Variants in DDX46 observed in about 807,000 individuals in gnomAD.
DDX46 encodes probable ATP-dependent RNA helicase DDX46.
DDX46 carries 30 observed loss-of-function variants against 134.9 expected under a neutral mutation model. That is an observed-to-expected ratio of 0.22 (90% CI 0.17 to 0.30). DDX46 has a LOEUF of 0.30. Ranked by LOEUF, DDX46 falls within the 10% of genes least tolerant of loss-of-function variation. The probability of loss-of-function intolerance (pLI) is 1.00; values close to 1 mark genes in which losing one functional copy is unlikely to be tolerated. For missense variants in DDX46, 622 were observed against 1,248.7 expected, an observed-to-expected ratio of 0.50 and a Z score of 7.56; for synonymous variants, 415 against 404.1, an observed-to-expected ratio of 1.03 and a Z score of -0.32.
chr5:134,768,442 A>C (rs1753651984), intron 3 of DDX46, among the ~76,000 whole-genome samples: 1 of 151,168 alleles, frequency 6.6e-6, no homozygotes, highest in African/African-American at 2.4e-5. Context: ...AGGGATATCT[A>C]GTATCCTTTT....
At chr5:134,827,188 T>C (rs537395950) in intron 22 of DDX46, among the ~76,000 whole-genome samples, 168 bp downstream of exon 22, 1 of 152,302 alleles carries the variant, frequency 6.6e-6, no homozygotes, top group South Asian at 2.1e-4. Context: ...AAAACATTAC[T>C]AATATCCCAG....
In DDX46 at chr5:134,773,858, G is replaced by T; in HGVS notation, c.610G>T (p.Asp204Tyr). The change falls in exon 5 of 23, where the codon GAT becomes TAT. Residue 204 changes from aspartate (D) to tyrosine (Y), a missense_variant. Asp to Tyr is a radical substitution (Grantham distance 160). Coordinates refer to ENST00000452510, the MANE Select transcript of DDX46 (RefSeq NM_001300860.2). ...QGKKWSLEDD[D>Y]DDEDDPAEAE... Reference sequence around the variant, plus strand: ...GAAAAAGTGGAGTTTAGAGGACGATGATGGTATATTTTTTAGCCTAATAGC... The same window carrying T: ...GAAAAAGTGGAGTTTAGAGGACGATTATGGTATATTTTTTAGCCTAATAGC... 3 of 1,598,172 alleles carry T rather than the reference G, an allele frequency of 1.9e-6. No individual in the cohort carries two copies. Among genetic ancestry groups the T allele is most frequent in the Non-Finnish European group, 2.6e-6 (3 of 1,174,120 alleles).
intron 21 of DDX46, among the ~76,000 whole-genome samples, chr5:134,824,320 C>T (rs547741303): frequency 1.8e-4 from 28 of 152,224 alleles, no homozygotes; most frequent in Admixed American, 7.9e-4. Context: ...TGGCCGGGCG[C>T]GGTGGCTCAC....
intron 21 of DDX46, among the ~76,000 whole-genome samples, chr5:134,822,847 G>C (rs539182343): frequency 1.3e-5 from 2 of 152,246 alleles, no homozygotes; most frequent in Non-Finnish European, 2.9e-5. Context: ...AAAGTGATGG[G>C]ATTACAAACG....
In DDX46 at chr5:134,767,084, C is replaced by T. The variant is rs370010333; in HGVS notation, c.350+24C>T. 8.8e-6 allele frequency: 14 copies of T among 1,597,446 alleles called. No individual in the cohort carries two copies. In the African/African-American group the frequency reaches 1.9e-4, roughly 22 times the overall value. ...AGGTAATGTTATCATTGGGCTGCATCTATAGTGCAGACTGGGGACTGCTTC... is the reference window on the plus strand; with the variant it reads ...AGGTAATGTTATCATTGGGCTGCATTTATAGTGCAGACTGGGGACTGCTTC... On this transcript the variant is annotated intron_variant, in intron 3 of 22. Coordinates refer to ENST00000452510, the MANE Select transcript of DDX46 (RefSeq NM_001300860.2).
Position 134,783,193 on chromosome 5 carries a change from G to C in DDX46, c.1166+128G>C, listed in dbSNP as rs1010790902. 36 of 1,263,298 alleles carry C rather than the reference G, an allele frequency of 2.8e-5. No homozygotes were observed. In the African/African-American group the frequency reaches 5.5e-4, roughly 19 times the overall value. 78.3% of individuals were successfully genotyped at this position (1,263,298 alleles called of 1,614,324 possible). ...TTACGTTTTAAAAAACTTTCATTGA[G>C]ATAATTTATATATCAAAATTTACCC... On this transcript the variant is annotated intron_variant, in intron 9 of 22. Transcript: ENST00000452510.
At chr5:134,799,201 C>G (rs931060691) in intron 15 of DDX46, among the ~76,000 whole-genome samples, 2 of 152,074 alleles carry the variant, frequency 1.3e-5, no homozygotes, top group Non-Finnish European at 2.9e-5. Context: ...TATTCTTTGT[C>G]TACCCACACA....
chr5:134,811,144 A>G, intron 16 of DDX46, 77 bp from the exon 17 acceptor site: 1 of 1,290,854 alleles, frequency 7.7e-7, no homozygotes, highest in Admixed American at 2.2e-5. Flanking sequence ...TATTAGGTGG[A>G]TCAGATTTTA....
intron 15 of DDX46, among the ~76,000 whole-genome samples, chr5:134,798,649 T>C (rs1754739230): frequency 6.6e-6 from 1 of 152,234 alleles, no homozygotes. Context: ...TTCCCATCCC[T>C]GAGCAGTTGC....
At chr5:134,773,932 G>T in intron 5 of DDX46, 71 bp downstream of exon 5, 4 of 1,371,104 alleles carry the variant, frequency 2.9e-6, no homozygotes, top group East Asian at 2.5e-5. Context: ...TTTCATAAGG[G>T]GTTTTTAATC....
At chr5:134,821,753 C>T (rs1755459345) in intron 21 of DDX46, among the ~76,000 whole-genome samples, 1 of 151,570 alleles carries the variant, frequency 6.6e-6, no homozygotes. Flanking sequence ...CATGGGGTTT[C>T]ACCATGTTGG....
At chr5:134,793,012 C>G (rs1754548835) in intron 13 of DDX46, among the ~76,000 whole-genome samples, 1 of 152,002 alleles carries the variant, frequency 6.6e-6, no homozygotes, top group Non-Finnish European at 1.5e-5. Flanking sequence ...TAAAAATTAG[C>G]TGGGTGTGGG....
In DDX46 at chr5:134,807,735, A is replaced by G. The variant is rs771427936; in HGVS notation, c.1955-13A>G. ...ATTTGAACATGTTTTAAAGCTCTCT[A>G]ATTTACTTGCAGGCATTGATCAATA... On this transcript the variant is annotated splice_polypyrimidine_tract_variant and intron_variant, in intron 15 of 22. Coordinates refer to ENST00000452510, the MANE Select transcript of DDX46 (RefSeq NM_001300860.2). 3 of 1,600,094 alleles carry G rather than the reference A, an allele frequency of 1.9e-6. No individual in the cohort carries two copies. Among genetic ancestry groups the G allele is most frequent in the South Asian group, 1.1e-5 (1 of 89,014 alleles).
At chr5:134,788,481 A>G (rs1754408371) in intron 11 of DDX46, 32 bp from the exon 12 acceptor site, 2 of 1,574,210 alleles carry the variant, frequency 1.3e-6, no homozygotes, top group Non-Finnish European at 1.7e-6. Flanking sequence ...AAGCATTAGT[A>G]ATAGACTATA....
chr5:134,813,577 T>C (rs1755206648), intron 18 of DDX46, among the ~76,000 whole-genome samples: 1 of 152,200 alleles, frequency 6.6e-6, no homozygotes, highest in South Asian at 2.1e-4. Flanking sequence ...TATGACTGTC[T>C]CTGAAATTAC....
intron 13 of DDX46, among the ~76,000 whole-genome samples, chr5:134,791,486 G>A (rs138844476): frequency 2.0e-5 from 3 of 151,958 alleles, no homozygotes; most frequent in Non-Finnish European, 2.9e-5. Context: ...GCGTGAACCC[G>A]GGCGGCGGAG....
At chr5:134,808,153 G>T (rs1755042232) in intron 16 of DDX46, among the ~76,000 whole-genome samples, 1 of 152,172 alleles carries the variant, frequency 6.6e-6, no homozygotes, top group South Asian at 2.1e-4. Flanking sequence ...TTTGTAGGCA[G>T]ATCCTGTTAA....
rs538401984 is a variant in DDX46, at chr5:134,829,675, T to G, written c.*969T>G. The G allele has an allele frequency of 6.6e-6, 1 of 152,262 alleles. No individual in the cohort carries two copies. Among genetic ancestry groups the G allele is most frequent in the Admixed American group, 6.5e-5 (1 of 15,278 alleles). The allele number at this position is 152,262 out of a possible 1,614,324, so 9.4% of individuals were successfully genotyped here. Reference sequence around the variant, plus strand: ...CACAAGGAATCATAAATTGTGTTTTTGAGGCTGGGCGCAGTGACTCACACC... The same window carrying G: ...CACAAGGAATCATAAATTGTGTTTTGGAGGCTGGGCGCAGTGACTCACACC... On this transcript the variant is annotated 3_prime_UTR_variant, in exon 23 of 23. Transcript: ENST00000452510.
intron 16 of DDX46, among the ~76,000 whole-genome samples, chr5:134,809,003 A>G (rs1755066308): frequency 6.6e-6 from 1 of 152,210 alleles, no homozygotes; most frequent in Non-Finnish European, 1.5e-5. Context: ...TACATATGTA[A>G]TGTCATTTTA....
Sources: allele counts gnomAD v4.1 joint callset (sites outside exome capture counted in the v4.1 genomes callset), GRCh38; gene constraint gnomAD v4.1.1; transcripts MANE v1.5; gene names NCBI Gene and HGNC (gene_info 2026-07-23, HGNC 2026-07-21).